CCDC3: variants seen among roughly 807,000 people sequenced by gnomAD.
CCDC3 encodes the protein coiled-coil domain-containing protein 3.
CCDC3 carries 24 observed loss-of-function variants against 21.4 expected under a neutral mutation model. The ratio of observed to expected loss-of-function variants is 1.12; its 90% confidence interval spans 0.81 to 1.58. CCDC3 has a LOEUF of 1.58. Ranked by LOEUF, CCDC3 falls within the 40% of genes most tolerant of loss-of-function variation. The pLI is 0.00. For synonymous variants in CCDC3, 186 were observed against 166.0 expected (o/e 1.12, Z -0.93); for missense variants, 425 against 360.9 (o/e 1.18, Z -1.44).
intron 2 of CCDC3, among the ~76,000 whole-genome samples, chr10:12,936,137 T>G (rs1229104519): frequency 6.6e-6 from 1 of 152,224 alleles, no homozygotes; most frequent in Non-Finnish European, 1.5e-5. Flanking sequence ...CTTTAAACAT[T>G]TCTTGCAATG....
At chr10:12,972,881 A>T (rs751429125) in intron 2 of CCDC3, among the ~76,000 whole-genome samples, 6 of 152,226 alleles carry the variant, frequency 3.9e-5, no homozygotes, top group Non-Finnish European at 8.8e-5. Context: ...TTTCTCATTC[A>T]GGAGAACTGC....
chr10:13,079,266 A>G (rs1021505995), intron 3 of CCDC3, among the ~76,000 whole-genome samples: 29 of 13,004 alleles, frequency 2.2e-3, no homozygotes, highest in Non-Finnish European at 5.0e-3. Flanking sequence ...TCTCATGAGG[A>G]GGCACGCGTT....
intron 2 of CCDC3, among the ~76,000 whole-genome samples, chr10:12,960,191 A>AC (rs1835160533): frequency 6.6e-6 from 1 of 151,676 alleles, no homozygotes; most frequent in Non-Finnish European, 1.5e-5. Context: ...ACACACACAC[A>AC]AAGGTTTTCT....
intron 2 of CCDC3, among the ~76,000 whole-genome samples, chr10:12,949,048 T>C (rs895915474): frequency 6.6e-6 from 1 of 152,144 alleles, no homozygotes; most frequent in Admixed American, 6.5e-5. Context: ...ACCTACATAA[T>C]GTCCTCAGTA....
At chr10:12,920,658 C>T (rs1834436691) in intron 2 of CCDC3, among the ~76,000 whole-genome samples, 2 of 152,154 alleles carry the variant, frequency 1.3e-5, no homozygotes, top group African/African-American at 2.4e-5. Context: ...GTTACTAATA[C>T]CAGGCACTGT....
At chr10:13,058,419 C>T (rs537841702) in intron 4 of CCDC3, 14 of 801,096 alleles carry the variant, frequency 1.7e-5, no homozygotes, top group South Asian at 1.2e-4. Flanking sequence ...ACCTTCACAC[C>T]GTATTTTGGC....
At chr10:12,951,905 G>A (rs1446592532) in intron 2 of CCDC3, among the ~76,000 whole-genome samples, 1 of 151,176 alleles carries the variant, frequency 6.6e-6, no homozygotes, top group Non-Finnish European at 1.5e-5. Flanking sequence ...GATCGCTGGT[G>A]TTTTTGTAAG....
intron 5 of CCDC3, among the ~76,000 whole-genome samples, chr10:13,026,738 T>C (rs1421941221): frequency 6.6e-6 from 1 of 152,254 alleles, no homozygotes; most frequent in East Asian, 1.9e-4. Context: ...TTCGTTTTTC[T>C]CCCTAGAGAT....
Position 12,948,254 on chromosome 10 carries a change from C to T in CCDC3, c.550-49575G>A, listed in dbSNP as rs573232384. Among the ~76,000 whole-genome samples, 7 of 152,100 alleles carry T rather than the reference C, an allele frequency of 4.6e-5. No homozygotes were observed. The East Asian group carries it at 5.8e-4, about 13-fold the overall frequency. On this transcript the variant is annotated intron_variant, in intron 2 of 2. Coordinates refer to ENST00000378825, the MANE Select transcript of CCDC3 (RefSeq NM_031455.4). ...TTCGCCTTCCACCATAATTGTGAGG[C>T]CTCCCCAGCCACATGGAACTGTGAG...
intron 4 of CCDC3, chr10:13,058,590 A>G (rs1836713005): frequency 3.0e-6 from 2 of 667,558 alleles, no homozygotes; most frequent in Admixed American, 2.0e-5. Context: ...GGGCATAGTA[A>G]TCCGTTTTAC....
intron 2 of CCDC3, among the ~76,000 whole-genome samples, chr10:12,971,049 A>G (rs1373235984): frequency 2.0e-5 from 3 of 152,232 alleles, no homozygotes; most frequent in African/African-American, 4.8e-5. Flanking sequence ...TTAAATATAA[A>G]GGTCTACAGA....
chr10:13,088,806 TG>T (rs1441177956), intron 3 of CCDC3, among the ~76,000 whole-genome samples: 1 of 152,150 alleles, frequency 6.6e-6, no homozygotes, highest in Non-Finnish European at 1.5e-5. Flanking sequence ...GAGGATCACC[TG>T]AGGTCAGGAG....
Position 13,017,057 on chromosome 10 carries a change from A to G in CCDC3, c.-1-18545T>C, listed in dbSNP as rs747677496. Among the ~76,000 whole-genome samples the G allele has an allele frequency of 7.7e-4, 117 of 152,136 alleles. 2 individuals carry two copies. Among genetic ancestry groups the G allele is most frequent in the Non-Finnish European group, 1.3e-3 (88 of 67,958 alleles). ...CTGAGGTTGAGGAGCGCCTCGTACA[A>G]ATGTGTTACTCTTTGGGAGGTATCA... On this transcript the variant is annotated intron_variant, in intron 5 of 6. Coordinates refer to the CCDC3 transcript ENST00000378839.
At chr10:12,907,843 G>A (rs1283345798) in intron 2 of CCDC3, among the ~76,000 whole-genome samples, 1 of 152,086 alleles carries the variant, frequency 6.6e-6, no homozygotes, top group Non-Finnish European at 1.5e-5. Context: ...TGACGCAGAT[G>A]AGGAAAAATC....
chr10:12,945,902 C>A (rs1002858549), intron 2 of CCDC3, among the ~76,000 whole-genome samples: 1 of 152,210 alleles, frequency 6.6e-6, no homozygotes, highest in East Asian at 1.9e-4. Context: ...CCTTCTGCTG[C>A]ACTTAGATAA....
intron 5 of CCDC3, among the ~76,000 whole-genome samples, chr10:13,032,302 A>T (rs1184153635): frequency 1.3e-5 from 2 of 152,194 alleles, no homozygotes; most frequent in Non-Finnish European, 2.9e-5. Context: ...CCTTCATGCT[A>T]AAAATTCTCA....
chr10:13,034,347 TG>T (rs1174902787), intron 5 of CCDC3, among the ~76,000 whole-genome samples: 1 of 28,250 alleles, frequency 3.5e-5, no homozygotes. Flanking sequence ...TGTTGGGGGG[TG>T]GGGGGAGGGG....
chr10:12,957,403 A>T (rs1457575085), intron 2 of CCDC3, among the ~76,000 whole-genome samples: 1 of 152,212 alleles, frequency 6.6e-6, no homozygotes, highest in East Asian at 1.9e-4. Flanking sequence ...TTTTTCTGTC[A>T]CAGAAACATA....
chr10:13,048,396 G>A (rs1409848105), intron 5 of CCDC3, among the ~76,000 whole-genome samples: 1 of 152,060 alleles, frequency 6.6e-6, no homozygotes, highest in Non-Finnish European at 1.5e-5. Context: ...GTTTCACCAT[G>A]TTGGCCAGGA....
Sources: allele counts gnomAD v4.1 joint callset (sites outside exome capture counted in the v4.1 genomes callset), GRCh38; gene constraint gnomAD v4.1.1; transcripts MANE v1.5; gene names NCBI Gene and HGNC (gene_info 2026-07-23, HGNC 2026-07-21).